Variants in PCDH9 observed in about 807,000 individuals in gnomAD.
PCDH9 encodes protocadherin-9.
A neutral mutation model predicts 70.6 loss-of-function variants in PCDH9; 24 were observed. The observed-to-expected ratio is 0.34, with a 90% confidence interval of 0.25 to 0.48. The LOEUF (loss-of-function observed/expected upper bound fraction) is 0.48. Ranked by LOEUF, PCDH9 falls within the 20% of genes least tolerant of loss-of-function variation. The pLI is 0.99. For synonymous variants in PCDH9, 562 were observed against 558.5 expected, an observed-to-expected ratio of 1.01 and a Z score of -0.09; for missense variants, 1,281 against 1,503.6, an observed-to-expected ratio of 0.85 and a Z score of 2.45.
rs552016282 is a variant in PCDH9, at chr13:66,882,075, G to A, written c.3138+21429C>T. Among the ~76,000 whole-genome samples, 6 of 152,224 alleles carry A rather than the reference G, an allele frequency of 3.9e-5. No individual in the cohort carries two copies. The East Asian group carries it at 5.8e-4, about 15-fold the overall frequency. On this transcript the variant is annotated intron_variant, in intron 3 of 4. Coordinates refer to ENST00000377865, the MANE Select transcript of PCDH9 (RefSeq NM_203487.3). The stretch of plus-strand genomic sequence containing the variant: ...AATACTTGGGCTAGAGAGCCAAGCC[G>A]CTAAATTAAAAAACAAGTTGTGTTC...
At chr13:66,445,098 A>G (rs1958047148) in intron 4 of PCDH9, among the ~76,000 whole-genome samples, 1 of 147,318 alleles carries the variant, frequency 6.8e-6, no homozygotes, top group Non-Finnish European at 1.5e-5. Flanking sequence ...AATATTATAT[A>G]TAATGTATAT....
chr13:66,905,679 A>T (rs2082348816), intron 2 of PCDH9, among the ~76,000 whole-genome samples: 1 of 150,472 alleles, frequency 6.6e-6, no homozygotes, highest in African/African-American at 2.4e-5. Flanking sequence ...TCCCCCATGG[A>T]TATATCATAA....
At chr13:66,784,633 T>C (rs2080051281) in intron 3 of PCDH9, among the ~76,000 whole-genome samples, 1 of 152,178 alleles carries the variant, frequency 6.6e-6, no homozygotes, top group Admixed American at 6.6e-5. Context: ...ATGTTATTAT[T>C]TTAATTCACA....
intron 2 of PCDH9, among the ~76,000 whole-genome samples, chr13:67,061,017 G>C (rs2085528964): frequency 6.6e-6 from 1 of 152,010 alleles, no homozygotes; most frequent in African/African-American, 2.4e-5. Context: ...ATTTTCAATA[G>C]CTGACAAGTT....
intron 3 of PCDH9, among the ~76,000 whole-genome samples, chr13:66,744,745 A>G (rs1210336456): frequency 6.6e-6 from 1 of 152,182 alleles, no homozygotes; most frequent in Non-Finnish European, 1.5e-5. Flanking sequence ...ACATGGACAG[A>G]GTTTTAGACT....
At chr13:66,538,211 T>C (rs1179693205) in intron 4 of PCDH9, among the ~76,000 whole-genome samples, 3 of 152,072 alleles carry the variant, frequency 2.0e-5, no homozygotes, top group African/African-American at 7.2e-5. Context: ...AGAAAGATGA[T>C]GCGGTAACAA....
intron 4 of PCDH9, among the ~76,000 whole-genome samples, chr13:66,381,663 G>T (rs1015622821): frequency 3.3e-5 from 5 of 152,078 alleles, no homozygotes; most frequent in Non-Finnish European, 5.9e-5. Flanking sequence ...GCAAACAAAG[G>T]CGAAGGCAAT....
intron 4 of PCDH9, among the ~76,000 whole-genome samples, chr13:66,515,848 C>T (rs1376069451): frequency 6.6e-6 from 1 of 151,888 alleles, no homozygotes; most frequent in African/African-American, 2.4e-5. Flanking sequence ...AAAGCTTTCT[C>T]AAGTGAATTT....
chr13:66,821,095 T>C (rs1016145750), intron 3 of PCDH9, among the ~76,000 whole-genome samples: 3 of 152,170 alleles, frequency 2.0e-5, no homozygotes, highest in Admixed American at 2.0e-4. Flanking sequence ...TTGCACCAAA[T>C]TTCTAGTTAT....
chr13:66,732,584 C>T (rs1027549377), intron 3 of PCDH9, among the ~76,000 whole-genome samples: 10 of 151,954 alleles, frequency 6.6e-5, no homozygotes, highest in African/African-American at 2.4e-4. Flanking sequence ...GCCAAATTTC[C>T]AAATCCTAAA....
chr13:66,626,126 T>A (rs904717228), intron 4 of PCDH9, among the ~76,000 whole-genome samples: 1 of 151,914 alleles, frequency 6.6e-6, no homozygotes. Flanking sequence ...AGGAAAAAAA[T>A]ATCAAGAAAA....
chr13:66,324,586 T>G (rs1041729182), intron 4 of PCDH9, among the ~76,000 whole-genome samples: 11 of 151,986 alleles, frequency 7.2e-5, no homozygotes, highest in Non-Finnish European at 1.6e-4. Context: ...AAACTATATG[T>G]GCCAATTACA....
chr13:66,508,663 T>TA (rs113394221), intron 4 of PCDH9, among the ~76,000 whole-genome samples: 5,190 of 151,164 alleles, frequency 0.034, 137 homozygotes, highest in South Asian at 0.11. Context: ...GGGATATTCA[T>TA]AAAAAAAAAC....
At chr13:66,611,441 G>C (rs1027264269) in intron 4 of PCDH9, among the ~76,000 whole-genome samples, 5 of 152,108 alleles carry the variant, frequency 3.3e-5, no homozygotes, top group African/African-American at 9.7e-5. Context: ...GTAACCCAAA[G>C]CTCACCACTA....
chr13:66,878,519 G>C lies in PCDH9; in HGVS notation c.3138+24985C>G, dbSNP rs755752053. Among the ~76,000 whole-genome samples the C allele has an allele frequency of 3.9e-4, 59 of 152,108 alleles. 1 individual carries two copies. The highest frequency in any genetic ancestry group is 7.8e-4 in the Non-Finnish European group (53 of 68,032). ...TGGGATTACAGGCGTGAGGCATAGC[G>C]CAGGGCCGGGACTAATTTTTTTAAA... On this transcript the variant is annotated intron_variant, in intron 3 of 4. Transcript: ENST00000377865.
At chr13:66,719,030 T>C (rs1482633488) in intron 3 of PCDH9, among the ~76,000 whole-genome samples, 1 of 152,160 alleles carries the variant, frequency 6.6e-6, no homozygotes, top group Non-Finnish European at 1.5e-5. Flanking sequence ...TTATCTAAAT[T>C]TACAAAACTT....
At chr13:66,704,210 T>C (rs1484230752) in intron 3 of PCDH9, among the ~76,000 whole-genome samples, 5 of 152,186 alleles carry the variant, frequency 3.3e-5, no homozygotes, top group Admixed American at 2.0e-4. Flanking sequence ...AGCTTGTTCA[T>C]ACAATAAAAT....
intron 3 of PCDH9, among the ~76,000 whole-genome samples, chr13:66,801,889 G>A (rs563753984): frequency 6.7e-4 from 102 of 151,822 alleles, no homozygotes; most frequent in Non-Finnish European, 1.1e-3. Context: ...CATTCTAAAA[G>A]TAGTTTAAAC....
At chr13:66,418,859 G>A (rs1366277205) in intron 4 of PCDH9, among the ~76,000 whole-genome samples, 3 of 152,078 alleles carry the variant, frequency 2.0e-5, no homozygotes, top group East Asian at 3.9e-4. Flanking sequence ...TAATAAAGAA[G>A]TAAAGACAAA....
Sources: allele counts gnomAD v4.1 joint callset (sites outside exome capture counted in the v4.1 genomes callset), GRCh38; gene constraint gnomAD v4.1.1; transcripts MANE v1.5; gene names NCBI Gene and HGNC (gene_info 2026-07-23, HGNC 2026-07-21).